NGF: variants seen among roughly 807,000 people sequenced by gnomAD.
The protein encoded by NGF is nerve growth factor.
In NGF, 4 loss-of-function variants were observed where a neutral mutation model predicts 12.8. That is an observed-to-expected ratio of 0.31 (90% CI 0.15 to 0.72). The LOEUF (loss-of-function observed/expected upper bound fraction) is 0.72, where lower values mean the gene tolerates loss of function less well. Among genes scored for constraint, NGF ranks in the 30% least tolerant of loss-of-function variants. The pLI is 0.69. For synonymous variants in NGF, 140 were observed against 130.0 expected, an observed-to-expected ratio of 1.08 and a Z score of -0.52; for missense variants, 283 against 330.8, an observed-to-expected ratio of 0.86 and a Z score of 1.12.
At chr1:115,334,901 C>T (rs10858075) in intron 1 of NGF, among the ~76,000 whole-genome samples, 70,310 of 152,032 alleles carry the variant, frequency 0.46, 16,677 homozygotes, top group East Asian at 0.63. Context: ...GCCTGAGAAG[C>T]TTAGCGACTT....
chr1:115,324,638 G>GTCTCTA (rs1355929985), intron 1 of NGF, among the ~76,000 whole-genome samples: 4 of 152,122 alleles, frequency 2.6e-5, no homozygotes, highest in Non-Finnish European at 5.9e-5. Flanking sequence ...ATCCACAGCT[G>GTCTCTA]TCTCTACAAG....
intron 1 of NGF, among the ~76,000 whole-genome samples, chr1:115,301,320 T>A (rs1654028035): frequency 6.6e-6 from 1 of 152,176 alleles, no homozygotes; most frequent in Non-Finnish European, 1.5e-5. Flanking sequence ...AGCAAGAGAC[T>A]TAACCTCTCT....
chr1:115,319,299 C>T (rs922098867), intron 1 of NGF, among the ~76,000 whole-genome samples: 4 of 152,106 alleles, frequency 2.6e-5, no homozygotes, highest in Admixed American at 6.5e-5. Context: ...TCCTTCGCAC[C>T]CTGCACCACT....
rs67307707 is a variant in NGF, at chr1:115,337,267, G to GTTTTTTTTTTTTTTTTTTT, written c.-137+918_-137+936dup. The stretch of plus-strand genomic sequence containing the variant: ...TCGAAATTTTTTTTGTTTTGTTTTT[G>GTTTTTTTTTTTTTTTTTTT]TTTTTTTTTTTTTTTTTTTTTTTTT... On this transcript the variant is annotated intron_variant, in intron 1 of 2. Coordinates refer to ENST00000369512, the MANE Select transcript of NGF (RefSeq NM_002506.3). 1.5e-4 allele frequency among the ~76,000 whole-genome samples: 12 copies of GTTTTTTTTTTTTTTTTTTT among 81,030 alleles called. 1 individual carries two copies. The highest frequency in any genetic ancestry group is 2.6e-4 in the Non-Finnish European group (11 of 42,680). 53.2% of individuals were successfully genotyped at this position (81,030 alleles called of 152,430 possible).
intron 1 of NGF, among the ~76,000 whole-genome samples, chr1:115,334,975 T>C (rs950515662): frequency 1.1e-4 from 16 of 152,216 alleles, no homozygotes; most frequent in African/African-American, 3.6e-4. Context: ...ACAGGAAGTT[T>C]ACCCAAAATA....
intron 1 of NGF, among the ~76,000 whole-genome samples, chr1:115,302,111 C>T (rs1654054491): frequency 1.3e-5 from 2 of 152,240 alleles, no homozygotes; most frequent in East Asian, 1.9e-4. Context: ...CTTCCCACAG[C>T]TGCGCCAGTT....
chr1:115,301,747 T>C (rs895147307), intron 1 of NGF, among the ~76,000 whole-genome samples: 2 of 152,266 alleles, frequency 1.3e-5, no homozygotes, highest in East Asian at 1.9e-4. Context: ...ACGTTTGTTT[T>C]TGAAATATCC....
chr1:115,327,382 C>T (rs1325540505), intron 1 of NGF, among the ~76,000 whole-genome samples: 2 of 152,188 alleles, frequency 1.3e-5, no homozygotes, highest in African/African-American at 4.8e-5. Context: ...GAAAACCCCA[C>T]CCCCAAAATA....
intron 1 of NGF, among the ~76,000 whole-genome samples, chr1:115,303,647 T>A (rs1456941904): frequency 6.6e-6 from 1 of 151,970 alleles, no homozygotes; most frequent in African/African-American, 2.4e-5. Flanking sequence ...ATGATTACCA[T>A]CCCCACCATC....
intron 2 of NGF, among the ~76,000 whole-genome samples, chr1:115,293,148 G>C (rs1381557222): frequency 2.0e-5 from 3 of 152,170 alleles, no homozygotes; most frequent in Non-Finnish European, 4.4e-5. Context: ...GATGTAGTAA[G>C]ATTAAGTAAT....
intron 1 of NGF, among the ~76,000 whole-genome samples, chr1:115,328,338 G>C (rs1320659545): frequency 6.6e-6 from 1 of 152,216 alleles, no homozygotes; most frequent in Non-Finnish European, 1.5e-5. Flanking sequence ...TGGCCCTAAG[G>C]TAGAATCTTG....
intron 2 of NGF, among the ~76,000 whole-genome samples, chr1:115,292,048 G>T (rs2254404): frequency 0.74 from 112,754 of 152,020 alleles, 42,002 homozygotes; most frequent in African/African-American, 0.76. Context: ...TTCTGAGAGT[G>T]GGCCAAGGGT....
intron 1 of NGF, among the ~76,000 whole-genome samples, chr1:115,311,162 A>G (rs184927057): frequency 6.6e-6 from 1 of 152,328 alleles, no homozygotes. Context: ...GGAACATACT[A>G]ACTGATAATC....
intron 1 of NGF, among the ~76,000 whole-genome samples, chr1:115,326,593 A>G (rs1033679462): frequency 6.6e-6 from 1 of 152,140 alleles, no homozygotes; most frequent in African/African-American, 2.4e-5. Flanking sequence ...CTGCCTCACA[A>G]GGTTCCGCTC....
chr1:115,313,238 T>G (rs1654380206), intron 1 of NGF, among the ~76,000 whole-genome samples: 1 of 152,226 alleles, frequency 6.6e-6, no homozygotes, highest in African/African-American at 2.4e-5. Context: ...AGAGTACTAC[T>G]TTGGTCTGTT....
intron 1 of NGF, among the ~76,000 whole-genome samples, chr1:115,323,542 C>T (rs1256997972): frequency 6.6e-6 from 1 of 152,150 alleles, no homozygotes; most frequent in Non-Finnish European, 1.5e-5. Flanking sequence ...ACACAGTGCC[C>T]AGGCAGCTAT....
chr1:115,306,780 T>C (rs1456723935), intron 1 of NGF, among the ~76,000 whole-genome samples: 1 of 152,190 alleles, frequency 6.6e-6, no homozygotes, highest in African/African-American at 2.4e-5. Flanking sequence ...ATAGTGAGTA[T>C]GATGGTGCAA....
At chr1:115,286,970 C>T (rs1319828483) in intron 2 of NGF, among the ~76,000 whole-genome samples, 163 bp from the exon 3 acceptor site, 2 of 151,938 alleles carry the variant, frequency 1.3e-5, no homozygotes, top group African/African-American at 2.4e-5. Context: ...ATGGTTATAC[C>T]GGGACAACAG....
chr1:115,301,183 C>T (rs746561630), intron 1 of NGF, among the ~76,000 whole-genome samples: 14 of 152,120 alleles, frequency 9.2e-5, no homozygotes, highest in Non-Finnish European at 1.3e-4. Flanking sequence ...CTGGAGCTAA[C>T]GAGAGACCCA....
Sources: allele counts gnomAD v4.1 joint callset (sites outside exome capture counted in the v4.1 genomes callset), GRCh38; gene constraint gnomAD v4.1.1; transcripts MANE v1.5; gene names NCBI Gene and HGNC (gene_info 2026-07-23, HGNC 2026-07-21).